The following VWA8 variants were observed in gnomAD, a reference collection of about 807,000 sequenced individuals.
VWA8 encodes the protein von Willebrand factor A domain containing 8.
In VWA8, 221 loss-of-function variants were observed where a neutral mutation model predicts 241.5. The ratio of observed to expected loss-of-function variants is 0.91; its 90% CI spans 0.82 to 1.02. The LOEUF is 1.02. Among genes scored for constraint, VWA8 ranks in the 50% least tolerant of loss-of-function variants. The pLI is 0.00. For synonymous variants in VWA8, 852 were observed against 827.1 expected, an observed-to-expected ratio of 1.03 and a Z score of -0.52; for missense variants, 2,322 against 2,328.7, an observed-to-expected ratio of 1.00 and a Z score of 0.06.
At chr13:41,606,776 T>C (rs76730395) in intron 39 of VWA8, among the ~76,000 whole-genome samples, 1 of 152,174 alleles carries the variant, frequency 6.6e-6, no homozygotes, top group African/African-American at 2.4e-5. Context: ...TAGACTACCA[T>C]GGGGCAGACT....
chr13:41,575,723 T>C lies in VWA8; in HGVS notation c.5370+17A>G. On this transcript the variant is annotated intron_variant, in intron 43 of 44. Transcript: ENST00000379310. ...GATAGAAGCTTTCATAATACAGAGG[T>C]AATAAAATATATTTACCTTCAGAAT... 6.4e-7 allele frequency: 1 copy of C among 1,572,124 alleles called. No homozygotes were observed. The highest frequency in any genetic ancestry group is 8.7e-7 in the Non-Finnish European group (1 of 1,144,794).
chr13:41,957,216 G>GTAA (rs2138174190), intron 1 of VWA8, among the ~76,000 whole-genome samples: 1 of 152,260 alleles, frequency 6.6e-6, no homozygotes, highest in South Asian at 2.1e-4. Flanking sequence ...ATGGGGGCAG[G>GTAA]TTTTTCCTGT....
At chr13:41,835,352 T>A (rs564944744) in intron 12 of VWA8, among the ~76,000 whole-genome samples, 1 of 152,292 alleles carries the variant, frequency 6.6e-6, no homozygotes, top group Non-Finnish European at 1.5e-5. Context: ...CTCAGCAACT[T>A]CCCATAAACT....
chr13:41,644,674 G>C (rs1593670455), intron 37 of VWA8, among the ~76,000 whole-genome samples: 2 of 152,314 alleles, frequency 1.3e-5, no homozygotes, highest in Middle Eastern at 3.4e-3. Context: ...ACCAGGATAG[G>C]CTCTGGCTAA....
At chr13:41,588,833 G>A (rs1011047877) in intron 41 of VWA8, among the ~76,000 whole-genome samples, 2 of 151,982 alleles carry the variant, frequency 1.3e-5, no homozygotes, top group Non-Finnish European at 2.9e-5. Context: ...AAGAAAACAC[G>A]GTGGGTATTG....
chr13:41,836,038 G>C (rs1871711100), intron 12 of VWA8, among the ~76,000 whole-genome samples: 1 of 152,058 alleles, frequency 6.6e-6, no homozygotes, highest in African/African-American at 2.4e-5. Context: ...GGCCAACATG[G>C]GGCCTACCAT....
intron 29 of VWA8, among the ~76,000 whole-genome samples, chr13:41,693,401 C>T (rs1158427887): frequency 6.6e-6 from 1 of 151,986 alleles, no homozygotes; most frequent in Non-Finnish European, 1.5e-5. Flanking sequence ...CAGTTGAAAG[C>T]TCTCTTATAT....
intron 21 of VWA8, among the ~76,000 whole-genome samples, chr13:41,755,683 T>C (rs1332366647): frequency 6.6e-6 from 1 of 151,954 alleles, no homozygotes; most frequent in Non-Finnish European, 1.5e-5. Flanking sequence ...TAAGGCATGG[T>C]ATCTCTAATC....
chr13:41,951,117 G>C (rs1878114467), intron 1 of VWA8, among the ~76,000 whole-genome samples: 1 of 152,102 alleles, frequency 6.6e-6, no homozygotes, highest in African/African-American at 2.4e-5. Flanking sequence ...AGCCCCAGTG[G>C]CATAAATGCC....
At position 41,961,073 on chromosome 13, in the gene VWA8, T is replaced by G. The variant is rs559504781; in HGVS notation, c.-58A>C. The G allele has an allele frequency of 3.3e-4, 441 of 1,334,790 alleles. 4 individuals are homozygous for G. The African/African-American group carries it at 5.9e-3, about 18-fold the overall frequency. The allele number at this position is 1,334,790 out of a possible 1,614,324, so 82.7% of individuals were successfully genotyped here. A position where few individuals can be genotyped will look rare whatever the true frequency, so the allele number is the denominator to read the frequency against. ...GGCTCGGGGATCGAGCGGCGTCCCG[T>G]GCAGGCACCGTGAGGCAGCGCGGAG... On this transcript the variant is annotated 5_prime_UTR_variant, in exon 1 of 45. Coordinates refer to ENST00000379310, the MANE Select transcript of VWA8 (RefSeq NM_015058.2).
intron 37 of VWA8, among the ~76,000 whole-genome samples, chr13:41,629,942 C>G (rs2044715872): frequency 6.6e-6 from 1 of 152,224 alleles, no homozygotes; most frequent in Non-Finnish European, 1.5e-5. Flanking sequence ...AGAAAAGCAT[C>G]TGACTTTTGG....
chr13:41,934,772 G>C (rs1877274781), intron 2 of VWA8, among the ~76,000 whole-genome samples: 1 of 151,900 alleles, frequency 6.6e-6, no homozygotes. Context: ...TTACAAAGAG[G>C]CACAAGTAAG....
At chr13:41,624,632 T>A (rs1401734641) in intron 37 of VWA8, among the ~76,000 whole-genome samples, 1 of 152,208 alleles carries the variant, frequency 6.6e-6, no homozygotes, top group Non-Finnish European at 1.5e-5. Context: ...CATCCCTTTA[T>A]GTTAAAACCC....
chr13:41,600,151 AG>A (rs1262260181), intron 40 of VWA8, among the ~76,000 whole-genome samples: 2 of 152,164 alleles, frequency 1.3e-5, no homozygotes, highest in Non-Finnish European at 2.9e-5. Context: ...AAGTATATTT[AG>A]CAAAAATTCT....
At chr13:41,694,811 T>C (rs1335314017) in intron 29 of VWA8, among the ~76,000 whole-genome samples, 1 of 152,102 alleles carries the variant, frequency 6.6e-6, no homozygotes, top group African/African-American at 2.4e-5. Flanking sequence ...GAAAAAGAAG[T>C]TAGTATCGTC....
intron 39 of VWA8, among the ~76,000 whole-genome samples, chr13:41,606,623 C>T (rs1214018452): frequency 1.3e-5 from 2 of 152,074 alleles, no homozygotes; most frequent in African/African-American, 4.8e-5. Context: ...TATTTTTTAT[C>T]ACCTTGAGCT....
intron 5 of VWA8, among the ~76,000 whole-genome samples, chr13:41,889,463 C>T (rs544646548): frequency 6.6e-6 from 1 of 151,978 alleles, no homozygotes; most frequent in South Asian, 2.1e-4. Context: ...ACCACAATCT[C>T]AGCCTCCTGG....
chr13:41,920,200 G>A (rs967947867), intron 2 of VWA8, among the ~76,000 whole-genome samples: 1 of 152,162 alleles, frequency 6.6e-6, no homozygotes, highest in Non-Finnish European at 1.5e-5. Context: ...CAGGGCTCAA[G>A]TTGCCACTGT....
intron 37 of VWA8, among the ~76,000 whole-genome samples, chr13:41,662,648 A>AT (rs1291520200): frequency 6.8e-6 from 1 of 147,700 alleles, no homozygotes; most frequent in East Asian, 2.0e-4. Context: ...TCTTTTATTT[A>AT]TTTTTCTTTT....
Sources: gnomAD v4.1 joint callset for allele counts (sites outside exome capture counted in the v4.1 genomes callset) on GRCh38, gnomAD v4.1.1 for gene constraint, MANE v1.5 for transcripts, NCBI Gene and HGNC (gene_info 2026-07-23, HGNC 2026-07-21) for gene names.